The following PTTG1IP2 variants were observed in gnomAD, a reference collection of about 807,000 sequenced individuals.
PTTG1IP2 encodes the protein PTTG1IP family member 2.
At chr7:90,475,041 A>G (rs1264069294) in intron 1 of PTTG1IP2, among the ~76,000 whole-genome samples, 1 of 152,180 alleles carries the variant, frequency 6.6e-6, no homozygotes, top group East Asian at 1.9e-4. Context: ...AGCACAGCCA[A>G]CAGCAGGAAC....
intron 3 of PTTG1IP2, among the ~76,000 whole-genome samples, chr7:90,488,302 CT>C (rs1158146706): frequency 7.5e-6 from 1 of 133,264 alleles, no homozygotes; most frequent in African/African-American, 2.7e-5. Flanking sequence ...AGAAGTTACA[CT>C]TCTTGTAACT....
intron 2 of PTTG1IP2, among the ~76,000 whole-genome samples, chr7:90,481,544 C>A (rs1797815348): frequency 6.6e-6 from 1 of 152,142 alleles, no homozygotes; most frequent in Non-Finnish European, 1.5e-5. Context: ...CAGATGTATT[C>A]ATCTCCAATT....
chr7:90,481,297 C>T lies in PTTG1IP2; in HGVS notation c.192+2023C>T, dbSNP rs17865076. ...AATGCATACACCCTCTTATTTTTAA[C>T]GGCACTGGACCCACATTCCGCAACT... On this transcript the variant is annotated intron_variant, in intron 2 of 6. Coordinates refer to ENST00000509356, the MANE Select transcript of PTTG1IP2 (RefSeq NM_001365443.2). Among the ~76,000 whole-genome samples the T allele has an allele frequency of 1.7e-3, 262 of 152,182 alleles. 1 individual carries two copies. Among genetic ancestry groups the T allele is most frequent in the African/African-American group, 5.9e-3 (247 of 41,518 alleles).
chr7:90,498,637 G>A (rs1798025197), intron 6 of PTTG1IP2, among the ~76,000 whole-genome samples: 1 of 152,156 alleles, frequency 6.6e-6, no homozygotes. Flanking sequence ...TTTTACACCA[G>A]TGATATAAGA....
At chr7:90,507,857 T>C (rs1469408927) in intron 6 of PTTG1IP2, among the ~76,000 whole-genome samples, 1 of 152,152 alleles carries the variant, frequency 6.6e-6, no homozygotes, top group Non-Finnish European at 1.5e-5. Context: ...GTCACTGTAA[T>C]TCTAGAGGCG....
chr7:90,476,012 A>G (rs7811613), intron 1 of PTTG1IP2, among the ~76,000 whole-genome samples: 1,565 of 152,278 alleles, frequency 0.01, 24 homozygotes, highest in African/African-American at 0.034. Context: ...AAACTAGAAC[A>G]TATTAACAGA....
chr7:90,499,949 C>G (rs1798043268), intron 6 of PTTG1IP2, among the ~76,000 whole-genome samples: 1 of 152,092 alleles, frequency 6.6e-6, no homozygotes, highest in African/African-American at 2.4e-5. Flanking sequence ...TGCAGTGGCT[C>G]AGGCCTATAA....
intron 6 of PTTG1IP2, among the ~76,000 whole-genome samples, chr7:90,508,280 A>AG (rs1290995439): frequency 8.0e-6 from 1 of 125,680 alleles, no homozygotes; most frequent in Non-Finnish European, 1.9e-5. Flanking sequence ...AAAAAAAAAA[A>AG]GAAAAGAAAA....
At chr7:90,497,454 C>T (rs1194833002) in intron 6 of PTTG1IP2, among the ~76,000 whole-genome samples, 2 of 151,076 alleles carry the variant, frequency 1.3e-5, no homozygotes, top group Non-Finnish European at 1.5e-5. Flanking sequence ...GTCCCAGCTA[C>T]TCGGGAGGCT....
chr7:90,503,426 GT>G (rs1187325357), intron 6 of PTTG1IP2, among the ~76,000 whole-genome samples: 1 of 152,174 alleles, frequency 6.6e-6, no homozygotes, highest in African/African-American at 2.4e-5. Flanking sequence ...TGCATTTACA[GT>G]TTGGCTGTTT....
chr7:90,478,764 G>A (rs962721576), intron 1 of PTTG1IP2, among the ~76,000 whole-genome samples: 2 of 151,100 alleles, frequency 1.3e-5, no homozygotes, highest in African/African-American at 2.4e-5. Context: ...TAAAACTAGA[G>A]GAATGAAAAT....
intron 6 of PTTG1IP2, among the ~76,000 whole-genome samples, chr7:90,508,263 C>CAA (rs5885728): frequency 3.9e-5 from 3 of 76,920 alleles, no homozygotes; most frequent in East Asian, 4.1e-4. Flanking sequence ...GAACTCGTCT[C>CAA]AAAAAAAAAA....
chr7:90,476,390 G>T (rs1306445801), intron 1 of PTTG1IP2, among the ~76,000 whole-genome samples: 1 of 152,100 alleles, frequency 6.6e-6, no homozygotes, highest in Admixed American at 6.5e-5. Flanking sequence ...CTGGGAAGTG[G>T]CATGGGGAGA....
chr7:90,512,675 T>C (rs1182937681), intron 6 of PTTG1IP2, among the ~76,000 whole-genome samples: 1 of 152,154 alleles, frequency 6.6e-6, no homozygotes, highest in Non-Finnish European at 1.5e-5. Context: ...ACATTTGAGA[T>C]GGAAGAGCAA....
At chr7:90,492,715 C>A (rs1797952483) in intron 5 of PTTG1IP2, among the ~76,000 whole-genome samples, 1 of 152,112 alleles carries the variant, frequency 6.6e-6, no homozygotes, top group Admixed American at 6.6e-5. Context: ...AATTTTCCAA[C>A]CCAGTCGGAG....
chr7:90,505,959 C>T (rs947517791), intron 6 of PTTG1IP2, among the ~76,000 whole-genome samples: 2 of 130,728 alleles, frequency 1.5e-5, no homozygotes, highest in Non-Finnish European at 3.1e-5. Context: ...AGTCCGCAGT[C>T]CGGCCTGGGC....
At chr7:90,498,032 C>CCT (rs1562988354) in intron 6 of PTTG1IP2, among the ~76,000 whole-genome samples, 1 of 146,696 alleles carries the variant, frequency 6.8e-6, no homozygotes, top group African/African-American at 2.5e-5. Context: ...TGAACCCCCC[C>CCT]TTTTTTTTTT....
intron 1 of PTTG1IP2, among the ~76,000 whole-genome samples, chr7:90,477,162 A>G (rs1471649381): frequency 6.6e-6 from 1 of 152,236 alleles, no homozygotes; most frequent in Non-Finnish European, 1.5e-5. Context: ...AAATGTAATC[A>G]AGAGCAAAGA....
chr7:90,480,320 C>T (rs1009233370), intron 2 of PTTG1IP2, among the ~76,000 whole-genome samples: 2 of 152,164 alleles, frequency 1.3e-5, no homozygotes, highest in African/African-American at 2.4e-5. Context: ...TTTATTGGCC[C>T]TCTTCCATAG....
Sources: allele counts gnomAD v4.1 joint callset (sites outside exome capture counted in the v4.1 genomes callset), GRCh38; gene constraint gnomAD v4.1.1; transcripts MANE v1.5; gene names NCBI Gene and HGNC (gene_info 2026-07-23, HGNC 2026-07-21).